MCF2L: variants seen among roughly 807,000 people sequenced by gnomAD.
MCF2L encodes the protein MCF.2 cell line derived transforming sequence like.
A neutral mutation model predicts 153.4 loss-of-function variants in MCF2L; 97 were observed. That is an observed-to-expected ratio of 0.63 (90% CI 0.54 to 0.75). The LOEUF (loss-of-function observed/expected upper bound fraction) is 0.75, where lower values mean the gene tolerates loss of function less well. MCF2L is among the 30% of genes least tolerant of loss of function. The pLI is 0.00. For missense variants in MCF2L, 1,347 were observed against 1,495.2 expected (o/e 0.90, Z 1.64); for synonymous variants, 659 against 632.2 (o/e 1.04, Z -0.64).
intron 2 of MCF2L, among the ~76,000 whole-genome samples, chr13:112,924,861 T>A (rs538080022): frequency 6.6e-6 from 1 of 152,318 alleles, no homozygotes; most frequent in South Asian, 2.1e-4. Flanking sequence ...GAAAATGGTG[T>A]GGATCCTGGC....
In MCF2L at chr13:113,074,655, C is replaced by T. The variant is rs947322308; in HGVS notation, c.1116+92C>T. On this transcript the variant is annotated intron_variant, in intron 10 of 29. Transcript: ENST00000535094. This position sits in a 1 kb window ranked among gnomAD's most constrained non-coding sequence, Gnocchi z 4.2. ...GGCGCAGGAATGGGCCTCCCGCCTA[C>T]GGAGAACGGACCCCACAGCCCCCCG... 26 of 1,548,760 alleles carry T rather than the reference C, an allele frequency of 1.7e-5. 1 individual carries two copies. The highest frequency in any genetic ancestry group is 5.8e-5 in the South Asian group (5 of 85,630).
intron 2 of MCF2L, among the ~76,000 whole-genome samples, chr13:112,914,026 C>T: frequency 6.6e-6 from 1 of 152,212 alleles, no homozygotes; most frequent in East Asian, 1.9e-4. Context: ...CATCCCCAGC[C>T]CCTTCTCCCC....
intron 1 of MCF2L, among the ~76,000 whole-genome samples, chr13:112,974,535 G>C (rs549253600): frequency 2.6e-5 from 4 of 152,172 alleles, no homozygotes; most frequent in African/African-American, 9.7e-5. Flanking sequence ...TTTTGCAGAC[G>C]TTCTGGGGAA....
chr13:113,023,521 C>T (rs1251105267), intron 2 of MCF2L, among the ~76,000 whole-genome samples: 2 of 152,140 alleles, frequency 1.3e-5, no homozygotes, highest in Admixed American at 6.5e-5. Context: ...GTCGCTGTTA[C>T]GAGACAAAGC....
intron 1 of MCF2L, among the ~76,000 whole-genome samples, chr13:113,011,109 G>A (rs550706651): frequency 3.9e-5 from 6 of 152,286 alleles, no homozygotes; most frequent in East Asian, 1.9e-4. Flanking sequence ...CCAGGGCCCC[G>A]CCTGCAGAAG....
At chr13:113,010,522 G>A (rs1342323048) in intron 1 of MCF2L, among the ~76,000 whole-genome samples, 1 of 152,190 alleles carries the variant, frequency 6.6e-6, no homozygotes, top group African/African-American at 2.4e-5. Flanking sequence ...ATCTCACCAC[G>A]TCGTCCCCGT....
At chr13:113,050,741 GAGCGGGGGGGT>G (rs2087230749) in intron 4 of MCF2L, among the ~76,000 whole-genome samples, 1 of 19,268 alleles carries the variant, frequency 5.2e-5, no homozygotes, top group African/African-American at 2.5e-4. Flanking sequence ...GGGGCGGGGG[GAGCGGGGGGGT>G]GCGGGGGGCG....
At chr13:113,060,206 A>C (rs1208212822) in intron 4 of MCF2L, among the ~76,000 whole-genome samples, 1 of 151,924 alleles carries the variant, frequency 6.6e-6, no homozygotes, top group Non-Finnish European at 1.5e-5. Flanking sequence ...TGCCCTAATG[A>C]CCTCACTTTA....
In MCF2L at chr13:113,077,193, T is replaced by A. The variant is rs1566852867; in HGVS notation, c.1642T>A (p.Ser548Thr). 1.3e-6 allele frequency: 2 copies of A among 1,593,904 alleles called. No homozygotes were observed. Residue 548 changes from serine (S) to threonine (T), a missense_variant, in exon 13 of 30, where the codon TCG (serine) becomes ACG (threonine). By Grantham distance (58) the Ser-to-Thr change is moderately conservative. Around this residue, in one of 3 missense-constraint regions of MCF2L, gnomAD observed 820 missense variants for 921.2 expected, o/e 0.89. Coordinates refer to ENST00000535094, the MANE Select transcript of MCF2L (RefSeq NM_001112732.3). Reference protein sequence around the residue: ...VAPRPEALAKSPCPSPGIRRG... With the variant: ...VAPRPEALAKTPCPSPGIRRG... ...CCCCAGACCCGAGGCACTGGCAAAG[T>A]CGCCCTGCCCCTCCCCAGGTCTGTG...
At chr13:113,060,905 C>T (rs1184388212) in intron 5 of MCF2L, among the ~76,000 whole-genome samples, 193 bp downstream of exon 5, 4 of 151,912 alleles carry the variant, frequency 2.6e-5, no homozygotes, top group Non-Finnish European at 5.9e-5. Context: ...CCCCCACCCC[C>T]GCCCCCAGCC....
At chr13:112,961,107 GCTATGCCTCCACGTTGCA>G (rs1223224833) in intron 2 of MCF2L, among the ~76,000 whole-genome samples, 39 of 151,834 alleles carry the variant, frequency 2.6e-4, no homozygotes, top group African/African-American at 9.4e-4. Context: ...CGTTGCATCT[GCTATGCCTCCACGTTGCA>G]CCTGTTCTCC....
In MCF2L at chr13:112,951,181, A is replaced by C. The variant is rs1359014574; in HGVS notation, c.169+48810A>C. Among the ~76,000 whole-genome samples the C allele has an allele frequency of 6.6e-6, 1 of 152,230 alleles. No homozygotes were observed. The highest frequency in any genetic ancestry group is 6.5e-5 in the Admixed American group (1 of 15,284). ...CCACTGCACACCCTCAGGAGAGCTAAGATAAAAGATAGTGCCAACTTCGAA... is the reference window on the plus strand; with the variant it reads ...CCACTGCACACCCTCAGGAGAGCTACGATAAAAGATAGTGCCAACTTCGAA... On this transcript the variant is annotated intron_variant, in intron 2 of 29. Transcript: ENST00000375608. The surrounding 1 kb of genome is among the most constrained non-coding windows in gnomAD (Gnocchi z 4.8).
intron 1 of MCF2L, among the ~76,000 whole-genome samples, chr13:113,011,565 G>A (rs2084108330): frequency 6.6e-6 from 1 of 151,084 alleles, no homozygotes; most frequent in Non-Finnish European, 1.5e-5. Context: ...TGGACACTGC[G>A]ATGAGGACAG....
At position 112,915,705 on chromosome 13, in the gene MCF2L, T is replaced by A. The variant is rs76150509; in HGVS notation, c.169+13334T>A. On this transcript the variant is annotated intron_variant, in intron 2 of 29. Transcript: ENST00000375608. ...TGAACAAATCTGCAGATAATCATGG[T>A]TTTCTTTCTTGTCAATTTTTGTGCT... Among the ~76,000 whole-genome samples the A allele has an allele frequency of 2.7e-3, 415 of 152,160 alleles. 19 individuals are homozygous for A. In the East Asian group the frequency reaches 0.078, roughly 29 times the overall value.
At chr13:112,921,046 G>A (rs1174634116) in intron 2 of MCF2L, among the ~76,000 whole-genome samples, 35 of 151,966 alleles carry the variant, frequency 2.3e-4, no homozygotes, top group Admixed American at 1.8e-3. Context: ...GTGTGGTGGC[G>A]GGCGCCTGTA....
At chr13:113,019,341 A>G (rs908871831) in intron 2 of MCF2L, among the ~76,000 whole-genome samples, 1 of 152,066 alleles carries the variant, frequency 6.6e-6, no homozygotes, top group Non-Finnish European at 1.5e-5. Flanking sequence ...CTCAGTCTAC[A>G]CTCACCAAGG....
intron 1 of MCF2L, among the ~76,000 whole-genome samples, chr13:112,970,464 T>C (rs962930297): frequency 6.6e-6 from 1 of 152,150 alleles, no homozygotes; most frequent in Non-Finnish European, 1.5e-5. Context: ...TGTATGTGGG[T>C]CGAAAGAAAA....
rs931636104 is a variant in MCF2L at position 113,064,705 on chromosome 13, C to T, written c.607-231C>T. ...CACTGCTCTCAACGGGGAGAGGCAG[C>T]GCAGGCACAGGCGACTCTAGGTGAC... On this transcript the variant is annotated intron_variant, in intron 6 of 29. Coordinates refer to ENST00000535094, the MANE Select transcript of MCF2L (RefSeq NM_001112732.3). This position sits in a 1 kb window ranked among gnomAD's most constrained non-coding sequence, Gnocchi z 6.0. 11 of 596,674 alleles carry T rather than the reference C, an allele frequency of 1.8e-5. No homozygotes were observed. The highest frequency in any genetic ancestry group is 1.8e-4 in the Admixed American group (6 of 33,522). 37.0% of individuals were successfully genotyped at this position (596,674 alleles called of 1,614,324 possible).
chr13:113,002,010 C>T (rs2083407945), intron 1 of MCF2L: 1 of 1,538,554 alleles, frequency 6.5e-7, no homozygotes, highest in Non-Finnish European at 8.7e-7. Flanking sequence ...CGGGTCCTCG[C>T]CTCCCCGGAA....
Sources: gnomAD v4.1 joint callset for allele counts (sites outside exome capture counted in the v4.1 genomes callset) on GRCh38, gnomAD v4.1.1 for gene constraint, gnomAD v4.1.1 regional missense constraint, Gnocchi (gnomAD v3.1) non-coding constraint, MANE v1.5 for transcripts, NCBI Gene and HGNC (gene_info 2026-07-23, HGNC 2026-07-21) for gene names.